LHX8: variants seen among roughly 807,000 people sequenced by gnomAD.
LHX8 encodes the protein LIM homeobox 8, also known as LIM/homeobox protein Lhx8.
In LHX8, 12 loss-of-function variants were observed where a neutral mutation model predicts 40.3. The observed-to-expected ratio is 0.30, with a 90% CI of 0.19 to 0.48. The LOEUF (loss-of-function observed/expected upper bound fraction) is 0.48, where lower values mean the gene tolerates loss of function less well. Among genes scored for constraint, LHX8 ranks in the 20% least tolerant of loss-of-function variants. LHX8 has a pLI of 0.99. For synonymous variants in LHX8, 179 were observed against 162.0 expected, an observed-to-expected ratio of 1.10 and a Z score of -0.80; for missense variants, 344 against 433.7, an observed-to-expected ratio of 0.79 and a Z score of 1.84.
chr1:75,148,445 C>A, intron 6 of LHX8, 142 bp from the exon 7 acceptor site: 1 of 687,712 alleles, frequency 1.5e-6, no homozygotes, highest in Non-Finnish European at 2.7e-6. Flanking sequence ...TTTTCACTTA[C>A]CCATATTTCC....
At chr1:75,138,084 T>C (rs1291623215) in intron 3 of LHX8, among the ~76,000 whole-genome samples, 2 of 152,198 alleles carry the variant, frequency 1.3e-5, no homozygotes, top group Non-Finnish European at 2.9e-5. Flanking sequence ...CTTAAAATAT[T>C]GTGGGGGAAT....
downstream of LHX8, among the ~76,000 whole-genome samples, chr1:75,163,579 A>G (rs1223308268): frequency 6.6e-6 from 1 of 152,204 alleles, no homozygotes; most frequent in Non-Finnish European, 1.5e-5. Flanking sequence ...AAATATTTAG[A>G]TGGATCTGAG....
chr1:75,142,829 C>A (rs1308322656), intron 4 of LHX8, among the ~76,000 whole-genome samples: 2 of 151,984 alleles, frequency 1.3e-5, no homozygotes, highest in African/African-American at 2.4e-5. Context: ...ATATTTGATA[C>A]AACAAAAGGG....
At chr1:75,186,819 A>T in the LHX8 span, among the ~76,000 whole-genome samples, 1 of 152,172 alleles carries the variant, frequency 6.6e-6, no homozygotes, top group Non-Finnish European at 1.5e-5. Context: ...CTACCAGACA[A>T]CTATTTAACA....
chr1:75,140,714 C>A (rs1349108095), intron 3 of LHX8, among the ~76,000 whole-genome samples: 1 of 151,964 alleles, frequency 6.6e-6, no homozygotes, highest in Non-Finnish European at 1.5e-5. Flanking sequence ...AAAGAAAAAG[C>A]AACCTGAATT....
In LHX8 at chr1:75,156,792, G is replaced by T. The variant is rs1648779547; in HGVS notation, c.781-101G>T. 4 of 998,908 alleles carry T rather than the reference G, an allele frequency of 4.0e-6. No individual in the cohort carries two copies. In the Admixed American group the frequency reaches 6.8e-5, roughly 17 times the overall value. The allele number at this position is 998,908 out of a possible 1,614,324, so 61.9% of individuals were successfully genotyped here. On this transcript the variant is annotated intron_variant, in intron 7 of 8. Coordinates refer to ENST00000356261, the MANE Select transcript of LHX8 (RefSeq NM_001256114.2). Reference sequence around the variant, plus strand: ...GTTACATTTATGCGGTGCTTGTGTGGTAGTGTGATTGAGGTTGCATTCATT... The same window carrying T: ...GTTACATTTATGCGGTGCTTGTGTGTTAGTGTGATTGAGGTTGCATTCATT...
chr1:75,137,160 T>A lies in LHX8; in HGVS notation c.136T>A (p.Ser46Thr). Residue 46 changes from serine (S) to threonine (T), a missense_variant, in exon 3 of 9, where the codon TCG becomes ACG. Coordinates refer to ENST00000356261, the MANE Select transcript of LHX8 (RefSeq NM_001256114.2). ...CTCCTCCTCGGCCCCGCTGTCCCCG[T>A]CGTCCTCGCCCCGGTCCATGGCCTC... Reference protein sequence around the residue: ...SCSSSAPLSPSSSPRSMASGS... With the variant: ...SCSSSAPLSPTSSPRSMASGS... The A allele has an allele frequency of 6.2e-7, 1 of 1,613,050 alleles. No individual in the cohort carries two copies. Among genetic ancestry groups the A allele is most frequent in the Middle Eastern group, 1.7e-4 (1 of 6,004 alleles).
At chr1:75,136,772 T>C (rs1648152249) in intron 2 of LHX8, 83 bp downstream of exon 2, 3 of 1,169,692 alleles carry the variant, frequency 2.6e-6, no homozygotes, top group Non-Finnish European at 3.7e-6. Flanking sequence ...CCCGCGCTCC[T>C]TCCAGGGCCC....
chr1:75,196,107 A>G, the LHX8 span, among the ~76,000 whole-genome samples: 4 of 152,172 alleles, frequency 2.6e-5, no homozygotes. Flanking sequence ...ACTGCCTTCC[A>G]TTCAGAAGGA....
the LHX8 span, among the ~76,000 whole-genome samples, chr1:75,180,941 G>A: frequency 6.6e-6 from 1 of 152,252 alleles, no homozygotes; most frequent in Non-Finnish European, 1.5e-5. Flanking sequence ...CCTTCTATCA[G>A]TCAGATCCCT....
At chr1:75,137,501 G>A (rs1302998630) in intron 3 of LHX8, among the ~76,000 whole-genome samples, 5 of 152,190 alleles carry the variant, frequency 3.3e-5, no homozygotes, top group African/African-American at 7.2e-5. Flanking sequence ...TGGTCTGGAC[G>A]CGCCGGATGT....
the LHX8 span, among the ~76,000 whole-genome samples, chr1:75,174,094 G>A: frequency 1.3e-5 from 2 of 152,086 alleles, no homozygotes; most frequent in Non-Finnish European, 2.9e-5. Context: ...TGTTCAACCT[G>A]TACTTCCTTA....
At chr1:75,174,975 C>T in the LHX8 span, among the ~76,000 whole-genome samples, 2 of 152,146 alleles carry the variant, frequency 1.3e-5, no homozygotes, top group Non-Finnish European at 2.9e-5. Context: ...CCTACCCTTC[C>T]CTGGAGTCCC....
rs554618869 is a variant in LHX8 at position 75,160,531 on chromosome 1, A to G, written c.965-288A>G. ...CAGCAGCATCTCTGAAGAGGAACCCATGTCTTTCTAGCTTCAGGGTGAAGT... is the reference window on the plus strand; with the variant it reads ...CAGCAGCATCTCTGAAGAGGAACCCGTGTCTTTCTAGCTTCAGGGTGAAGT... On this transcript the variant is annotated intron_variant, in intron 8 of 8. Transcript: ENST00000356261. The G allele has an allele frequency of 3.2e-4, 132 of 411,544 alleles. 1 individual carries two copies. Among genetic ancestry groups the G allele is most frequent in the African/African-American group, 2.3e-3 (116 of 49,722 alleles). The allele number at this position is 411,544 out of a possible 1,614,324, so 25.5% of individuals were successfully genotyped here. A position where few individuals can be genotyped will look rare whatever the true frequency, so the allele number is the denominator to read the frequency against.
the LHX8 span, among the ~76,000 whole-genome samples, chr1:75,179,504 T>TG: frequency 6.3e-4 from 48 of 76,484 alleles, no homozygotes; most frequent in Non-Finnish European, 9.1e-4. Flanking sequence ...CCCCTGTTGT[T>TG]TTTTTTTTTT....
chr1:75,191,528 A>G, the LHX8 span, among the ~76,000 whole-genome samples: 1 of 152,142 alleles, frequency 6.6e-6, no homozygotes. Flanking sequence ...GAGGGAGCCA[A>G]CCGCAGCCAG....
chr1:75,164,848 G>C (rs776929349), downstream of LHX8, among the ~76,000 whole-genome samples: 1 of 145,660 alleles, frequency 6.9e-6, no homozygotes, highest in Non-Finnish European at 1.5e-5. Context: ...ATTTTTTTTT[G>C]TAGAGACTAG....
At chr1:75,133,591 C>G (rs1318456319), upstream of LHX8, among the ~76,000 whole-genome samples, 1 of 152,108 alleles carries the variant, frequency 6.6e-6, no homozygotes, top group Non-Finnish European at 1.5e-5. Flanking sequence ...AATCTTTTAA[C>G]CAAATTTGTC....
chr1:75,187,931 G>A, the LHX8 span, among the ~76,000 whole-genome samples: 4 of 152,086 alleles, frequency 2.6e-5, no homozygotes, highest in African/African-American at 9.7e-5. Flanking sequence ...TCCCTGAGGA[G>A]CACAAAAAAG....
Sources: gnomAD v4.1 joint callset for allele counts (sites outside exome capture counted in the v4.1 genomes callset) on GRCh38, gnomAD v4.1.1 for gene constraint, MANE v1.5 for transcripts, NCBI Gene and HGNC (gene_info 2026-07-23, HGNC 2026-07-21) for gene names.